The following SLC25A33 variants were observed in gnomAD, a reference collection of about 807,000 sequenced individuals.
SLC25A33 encodes the protein solute carrier family 25 member 33, also known as bone marrow stromal cell mitochondrial carrier protein.
Under a neutral mutation model 35.5 loss-of-function variants are expected in SLC25A33, and 15 were observed. That is an observed-to-expected ratio of 0.42 (90% CI 0.28 to 0.65). The LOEUF (loss-of-function observed/expected upper bound fraction) is 0.65, where lower values mean the gene tolerates loss of function less well. SLC25A33 is among the 30% of genes least tolerant of loss of function. The pLI is 0.20. For synonymous variants in SLC25A33, 136 were observed against 148.7 expected, an observed-to-expected ratio of 0.91 and a Z score of 0.62; for missense variants, 257 against 398.5, an observed-to-expected ratio of 0.64 and a Z score of 3.02.
chr1:9,569,555 A>G (rs570418542), intron 3 of SLC25A33, among the ~76,000 whole-genome samples: 65 of 152,324 alleles, frequency 4.3e-4, no homozygotes, highest in African/African-American at 1.5e-3. Context: ...AAACACAACA[A>G]TGATAAGTAG....
intron 5 of SLC25A33, among the ~76,000 whole-genome samples, chr1:9,573,925 C>T (rs1643623892): frequency 6.6e-6 from 1 of 151,954 alleles, no homozygotes; most frequent in African/African-American, 2.4e-5. Context: ...TCTGGTGACA[C>T]CTGCAGGCCC....
intron 2 of SLC25A33, among the ~76,000 whole-genome samples, 165 bp downstream of exon 2, chr1:9,553,970 C>T (rs182562123): frequency 1.4e-4 from 21 of 152,320 alleles, no homozygotes; most frequent in African/African-American, 5.1e-4. Flanking sequence ...TGACCTTGCT[C>T]CCCTGGCAGC....
chr1:9,540,400 G>A (rs1643061177), intron 1 of SLC25A33, among the ~76,000 whole-genome samples: 1 of 152,048 alleles, frequency 6.6e-6, no homozygotes, highest in African/African-American at 2.4e-5. Flanking sequence ...ATTGTAAGGT[G>A]TTCCTTGTTT....
intron 5 of SLC25A33, among the ~76,000 whole-genome samples, chr1:9,577,179 T>C (rs1202857353): frequency 6.6e-6 from 1 of 152,150 alleles, no homozygotes; most frequent in Non-Finnish European, 1.5e-5. Context: ...ATGGTTAGGC[T>C]GGACTCGGTG....
chr1:9,577,919 C>T (rs1446253145), intron 5 of SLC25A33, among the ~76,000 whole-genome samples: 2 of 152,036 alleles, frequency 1.3e-5, no homozygotes, highest in Non-Finnish European at 2.9e-5. Context: ...GGGTGAGAAA[C>T]TCTGGATGTT....
At chr1:9,562,152 A>T (rs1643432328) in intron 2 of SLC25A33, among the ~76,000 whole-genome samples, 1 of 152,042 alleles carries the variant, frequency 6.6e-6, no homozygotes, top group Non-Finnish European at 1.5e-5. Context: ...GTTCAAGACC[A>T]GCCTGGCCAA....
chr1:9,539,939 C>T (rs1289309425), intron 1 of SLC25A33, among the ~76,000 whole-genome samples, 192 bp downstream of exon 1: 3 of 152,134 alleles, frequency 2.0e-5, no homozygotes, highest in African/African-American at 2.4e-5. Flanking sequence ...CCTTCCTCAC[C>T]CCTACGTCCT....
At chr1:9,553,239 T>G (rs866768328) in intron 1 of SLC25A33, among the ~76,000 whole-genome samples, 48 of 143,250 alleles carry the variant, frequency 3.4e-4, no homozygotes, top group African/African-American at 1.2e-3. Flanking sequence ...GGTTTTTTTT[T>G]TGTTTGAGAC....
intron 3 of SLC25A33, among the ~76,000 whole-genome samples, chr1:9,568,510 G>T (rs1328782908): frequency 6.6e-6 from 1 of 152,090 alleles, no homozygotes; most frequent in Non-Finnish European, 1.5e-5. Flanking sequence ...AGGGAACTGG[G>T]TGGCAGGGCA....
chr1:9,559,668 A>G (rs114926448), intron 2 of SLC25A33, among the ~76,000 whole-genome samples: 1 of 152,142 alleles, frequency 6.6e-6, no homozygotes, highest in African/African-American at 2.4e-5. Flanking sequence ...CAGGACTTAC[A>G]TAAAAACAAT....
In SLC25A33 at chr1:9,579,226, C is replaced by T. The variant is rs190319401; in HGVS notation, c.483-728C>T. On this transcript the variant is annotated intron_variant, in intron 5 of 6. Coordinates refer to ENST00000302692, the MANE Select transcript of SLC25A33 (RefSeq NM_032315.3). ...GGTTTTCCCCACACACACCAAACAGCGGACACCAGCTGGGTGTCCTCTCAT... is the reference window on the plus strand; with the variant it reads ...GGTTTTCCCCACACACACCAAACAGTGGACACCAGCTGGGTGTCCTCTCAT... Among the ~76,000 whole-genome samples the T allele has an allele frequency of 8.5e-4, 130 of 152,306 alleles. 2 individuals are homozygous for T. The East Asian group carries it at 0.019, about 22-fold the overall frequency.
chr1:9,562,283 G>A (rs1369261215), intron 2 of SLC25A33, among the ~76,000 whole-genome samples: 2 of 151,298 alleles, frequency 1.3e-5, no homozygotes, highest in African/African-American at 2.4e-5. Flanking sequence ...GGGAGGCGGA[G>A]GCTGCAGTGA....
chr1:9,581,637 G>A (rs1185508779), intron 6 of SLC25A33, among the ~76,000 whole-genome samples: 2 of 151,188 alleles, frequency 1.3e-5, no homozygotes, highest in African/African-American at 4.9e-5. Flanking sequence ...GCTGAGGCAG[G>A]AGAATCACTT....
At chr1:9,568,994 C>A (rs541771025) in intron 3 of SLC25A33, among the ~76,000 whole-genome samples, 83 of 152,178 alleles carry the variant, frequency 5.5e-4, no homozygotes, top group African/African-American at 2.0e-3. Context: ...ACCTATAATC[C>A]CTGCACTTTG....
At position 9,578,644 on chromosome 1, in the gene SLC25A33, A is replaced by G. The variant is rs1643696049; in HGVS notation, c.483-1310A>G. On this transcript the variant is annotated intron_variant, in intron 5 of 6. Transcript: ENST00000302692. The surrounding 1 kb of genome is among the most constrained non-coding windows in gnomAD (Gnocchi z 4.3). The stretch of plus-strand genomic sequence containing the variant: ...TTCCTATTTTTCTTTCTTATTATTT[A>G]CTTTTTTGTAGAGATAGAGCCTCAC... Among the ~76,000 whole-genome samples the G allele has an allele frequency of 6.6e-6, 1 of 152,166 alleles. No homozygotes were observed. The highest frequency in any genetic ancestry group is 2.4e-5 in the African/African-American group (1 of 41,446).
chr1:9,566,598 G>C (rs1643509455), intron 2 of SLC25A33, among the ~76,000 whole-genome samples: 1 of 152,132 alleles, frequency 6.6e-6, no homozygotes, highest in Non-Finnish European at 1.5e-5. Context: ...TGTAATCCCA[G>C]CACTTTGTGA....
At chr1:9,550,101 C>T (rs1433656050) in intron 1 of SLC25A33, among the ~76,000 whole-genome samples, 1 of 137,364 alleles carries the variant, frequency 7.3e-6, no homozygotes, top group East Asian at 2.1e-4. Flanking sequence ...CAGCCTTGAC[C>T]TCCTTGGGTT....
intron 1 of SLC25A33, among the ~76,000 whole-genome samples, chr1:9,551,553 T>TC (rs2100378038): frequency 6.6e-6 from 1 of 152,304 alleles, no homozygotes; most frequent in Admixed American, 6.5e-5. Flanking sequence ...TTCCTTCCTG[T>TC]CGTTGCCTTT....
Position 9,583,290 on chromosome 1 carries a change from CT to C in SLC25A33, c.*792del. On this transcript the variant is annotated 3_prime_UTR_variant, in exon 7 of 7. Coordinates refer to ENST00000302692, the MANE Select transcript of SLC25A33 (RefSeq NM_032315.3). ...GACAAACTTCCCAGCAATTTTTCTT[CT>C]TTGTACATTTCCAATTACTTGCAGA... 1 of 152,098 alleles carries C rather than the reference CT, an allele frequency of 6.6e-6. No individual in the cohort carries two copies. Among genetic ancestry groups the C allele is most frequent in the Admixed American group, 6.6e-5 (1 of 15,256 alleles). The allele number at this position is 152,098 out of a possible 1,614,324, so 9.4% of individuals were successfully genotyped here.
Sources: allele counts gnomAD v4.1 joint callset (sites outside exome capture counted in the v4.1 genomes callset), GRCh38; gene constraint gnomAD v4.1.1; non-coding constraint Gnocchi (gnomAD v3.1); transcripts MANE v1.5; gene names NCBI Gene and HGNC (gene_info 2026-07-23, HGNC 2026-07-21).